The following ZEB2 variants were observed in gnomAD, a reference collection of about 807,000 sequenced individuals.
ZEB2 encodes the protein zinc finger E-box binding homeobox 2.
In ZEB2, 6 loss-of-function variants were observed where a neutral mutation model predicts 99.9. The observed-to-expected ratio is 0.06, with a 90% confidence interval of 0.03 to 0.12. The LOEUF is 0.12. Ranked by LOEUF, ZEB2 falls within the 10% of genes least tolerant of loss-of-function variation. The probability of loss-of-function intolerance (pLI) is 1.00; values close to 1 mark genes in which losing one functional copy is unlikely to be tolerated. For synonymous variants in ZEB2, 517 were observed against 542.5 expected, an observed-to-expected ratio of 0.95 and a Z score of 0.65; for missense variants, 969 against 1,502.8, an observed-to-expected ratio of 0.64 and a Z score of 5.87.
intron 4 of ZEB2, among the ~76,000 whole-genome samples, chr2:144,419,756 C>A (rs775441077): frequency 6.6e-6 from 1 of 151,784 alleles, no homozygotes; most frequent in Non-Finnish European, 1.5e-5. Context: ...CTTTATCTTA[C>A]GTGTGAAAGC....
intron 2 of ZEB2, chr2:144,455,075 C>T (rs535168581): frequency 2.0e-5 from 3 of 152,274 alleles, no homozygotes; most frequent in African/African-American, 7.2e-5. Context: ...TTGTAGAAAT[C>T]AAATTCAGTC....
At chr2:144,430,154 A>C in intron 2 of ZEB2, 128 bp from the exon 3 acceptor site, 1 of 1,301,626 alleles carries the variant, frequency 7.7e-7, no homozygotes, top group Non-Finnish European at 1.1e-6. Context: ...TGTCAGGAAA[A>C]TATAATTAAT....
At chr2:144,438,280 T>C (rs1703862758) in intron 2 of ZEB2, among the ~76,000 whole-genome samples, 1 of 152,214 alleles carries the variant, frequency 6.6e-6, no homozygotes, top group South Asian at 2.1e-4. Flanking sequence ...GAATGTTACA[T>C]GGAGGTACCG....
intron 7 of ZEB2, 107 bp from the exon 8 acceptor site, chr2:144,400,377 G>T: frequency 2.4e-6 from 3 of 1,233,668 alleles, no homozygotes; most frequent in Non-Finnish European, 3.4e-6. Flanking sequence ...ACACAATGGG[G>T]TACCTCTACA....
intron 4 of ZEB2, among the ~76,000 whole-genome samples, chr2:144,414,744 A>G (rs1703514999): frequency 6.6e-6 from 1 of 152,176 alleles, no homozygotes; most frequent in Non-Finnish European, 1.5e-5. Context: ...ACTGCACCAT[A>G]ATGACTCAAC....
At chr2:144,435,779 T>G (rs1414023726) in intron 2 of ZEB2, among the ~76,000 whole-genome samples, 4 of 152,220 alleles carry the variant, frequency 2.6e-5, no homozygotes, top group African/African-American at 9.6e-5. Flanking sequence ...TTCTAAGACT[T>G]TTCTCCTGAA....
chr2:144,486,369 GGT>G (rs1491402830), intron 2 of ZEB2, among the ~76,000 whole-genome samples: 2 of 13,362 alleles, frequency 1.5e-4, no homozygotes, highest in African/African-American at 2.1e-4. Flanking sequence ...GGTACTAGAA[GGT>G]TTTTTTTTTT....
intron 2 of ZEB2, chr2:144,445,153 A>G (rs182106480): frequency 2.0e-5 from 3 of 152,326 alleles, no homozygotes; most frequent in East Asian, 3.9e-4. Context: ...CAACAATGGC[A>G]AGATGGAGAA....
At chr2:144,482,680 TA>T (rs746536502) in intron 2 of ZEB2, among the ~76,000 whole-genome samples, 5 of 152,172 alleles carry the variant, frequency 3.3e-5, no homozygotes, top group Non-Finnish European at 7.4e-5. Context: ...ACCTCTGTCC[TA>T]AAAGTTTTCA....
At chr2:144,447,484 C>T (rs1704001355) in intron 2 of ZEB2, among the ~76,000 whole-genome samples, 1 of 152,232 alleles carries the variant, frequency 6.6e-6, no homozygotes, top group Non-Finnish European at 1.5e-5. Context: ...TCCCTTACCA[C>T]ATCCCCCAGT....
At chr2:144,428,227 T>C (rs1003693224) in intron 3 of ZEB2, 1 of 152,170 alleles carries the variant, frequency 6.6e-6, no homozygotes, top group Non-Finnish European at 1.5e-5. Context: ...CAAATATGAA[T>C]AGCTAACACC....
At chr2:144,440,509 ATATATATTTTTTTTTTTTTTT>A (rs1332479093) in intron 2 of ZEB2, among the ~76,000 whole-genome samples, 1,173 of 28,814 alleles carry the variant, frequency 0.041, 13 homozygotes, top group East Asian at 0.39. Context: ...ATATATATAT[ATATATATTTTTTTTTTTTTTT>A]TTTTTTTTTT....
rs1194647708 is a variant in ZEB2, at chr2:144,405,040, GAGA to G, written c.404-19_404-17del. The G allele has an allele frequency of 1.2e-6, 2 of 1,611,780 alleles. No individual in the cohort carries two copies. Among genetic ancestry groups the G allele is most frequent in the Non-Finnish European group, 1.7e-6 (2 of 1,179,810 alleles). ...GCATTCTTCACTGAAATCATAAAAG[GAGA>G]AGAAATGTTGTTTCCGGGCCTTCTT... is the stretch of plus-strand genomic sequence containing the variant. On this transcript the variant is annotated splice_polypyrimidine_tract_variant and intron_variant, in intron 4 of 9. Transcript: ENST00000627532.
At chr2:144,512,080 G>A in intron 2 of ZEB2, 1 of 1,287,174 alleles carries the variant, frequency 7.8e-7, no homozygotes, top group Non-Finnish European at 1.0e-6. Context: ...GGGAATGCGG[G>A]AATGAATGGT....
intron 6 of ZEB2, 44 bp from the exon 7 acceptor site, chr2:144,401,351 C>A (rs1204982095): frequency 2.5e-6 from 4 of 1,595,530 alleles, no homozygotes; most frequent in Non-Finnish European, 3.4e-6. Context: ...GCAGGAGGAA[C>A]AAAGAAAATT....
At chr2:144,508,634 G>T (rs1704984377) in intron 2 of ZEB2, among the ~76,000 whole-genome samples, 1 of 151,686 alleles carries the variant, frequency 6.6e-6, no homozygotes. Flanking sequence ...GCTTGCTTTG[G>T]AAAGTCTCAA....
At chr2:144,432,940 T>G (rs1703792645) in intron 2 of ZEB2, among the ~76,000 whole-genome samples, 1 of 152,152 alleles carries the variant, frequency 6.6e-6, no homozygotes, top group Non-Finnish European at 1.5e-5. Context: ...ATGATATATA[T>G]CTTTTTATTC....
intron 4 of ZEB2, among the ~76,000 whole-genome samples, chr2:144,405,947 G>A (rs897873015): frequency 2.6e-5 from 4 of 152,224 alleles, no homozygotes; most frequent in African/African-American, 9.6e-5. Context: ...AAAGTTGGGA[G>A]AGTAGCTGTT....
intron 4 of ZEB2, among the ~76,000 whole-genome samples, chr2:144,421,002 G>T (rs1703612419): frequency 6.6e-6 from 1 of 152,142 alleles, no homozygotes; most frequent in East Asian, 1.9e-4. Context: ...AATAGAGGAG[G>T]ACATGAGGGA....
Sources: gnomAD v4.1 joint callset for allele counts (sites outside exome capture counted in the v4.1 genomes callset) on GRCh38, gnomAD v4.1.1 for gene constraint, MANE v1.5 for transcripts, NCBI Gene and HGNC (gene_info 2026-07-23, HGNC 2026-07-21) for gene names.